IMPG1: variants seen among roughly 807,000 people sequenced by gnomAD.
IMPG1 encodes the protein interphotoreceptor matrix proteoglycan 1.
In IMPG1, 85 loss-of-function variants were observed where a neutral mutation model predicts 92.0. That is an observed-to-expected ratio of 0.92 (90% CI 0.78 to 1.11). The LOEUF (loss-of-function observed/expected upper bound fraction) is 1.11, where lower values mean the gene tolerates loss of function less well. IMPG1 is among the 50% of genes least tolerant of loss of function. The pLI is 0.00. For missense variants in IMPG1, 1,022 were observed against 956.0 expected, an observed-to-expected ratio of 1.07 and a Z score of -0.91; for synonymous variants, 367 against 334.1, an observed-to-expected ratio of 1.10 and a Z score of -1.08.
At chr6:76,069,301 G>A (rs1318084720) in intron 1 of IMPG1, among the ~76,000 whole-genome samples, 1 of 152,030 alleles carries the variant, frequency 6.6e-6, no homozygotes, top group African/African-American at 2.4e-5. Flanking sequence ...AACTCTTCTG[G>A]ACATTAGCCT....
intron 4 of IMPG1, among the ~76,000 whole-genome samples, chr6:76,027,280 C>A (rs529743931): frequency 1.3e-5 from 2 of 152,188 alleles, no homozygotes; most frequent in African/African-American, 4.8e-5. Context: ...TGAGAACTGT[C>A]TGTCTTGTTG....
chr6:76,037,762 CATAAA>C (rs1487991255), intron 2 of IMPG1, among the ~76,000 whole-genome samples: 1 of 152,208 alleles, frequency 6.6e-6, no homozygotes, highest in Non-Finnish European at 1.5e-5. Flanking sequence ...TACAACAATA[CATAAA>C]ATAAACTAGC....
At chr6:75,925,928 G>T (rs1159143896) in intron 15 of IMPG1, among the ~76,000 whole-genome samples, 1 of 152,158 alleles carries the variant, frequency 6.6e-6, no homozygotes, top group Non-Finnish European at 1.5e-5. Context: ...GCTTCCCAAA[G>T]TGCTGGGATT....
At chr6:75,929,902 A>G (rs1781635891) in intron 15 of IMPG1, among the ~76,000 whole-genome samples, 1 of 152,128 alleles carries the variant, frequency 6.6e-6, no homozygotes, top group African/African-American at 2.4e-5. Flanking sequence ...GTTGAAAAAG[A>G]CTATTCTTTC....
intron 12 of IMPG1, among the ~76,000 whole-genome samples, chr6:75,964,736 A>C (rs1189705477): frequency 6.6e-6 from 1 of 151,728 alleles, no homozygotes; most frequent in Admixed American, 6.6e-5. Context: ...GAGAATTTGC[A>C]TACTCATTAC....
intron 14 of IMPG1, among the ~76,000 whole-genome samples, chr6:75,937,083 T>C (rs57448537): frequency 9.2e-5 from 14 of 152,126 alleles, no homozygotes; most frequent in African/African-American, 3.4e-4. Flanking sequence ...GCCAGCAGCA[T>C]GACCCCAGGA....
At chr6:75,934,923 G>A in intron 14 of IMPG1, 1 of 470,720 alleles carries the variant, frequency 2.1e-6, no homozygotes, top group South Asian at 1.6e-5. Context: ...TTTTACTCAC[G>A]TGTTGGACAG....
At chr6:76,035,109 A>G (rs1210855326) in intron 2 of IMPG1, among the ~76,000 whole-genome samples, 1 of 152,122 alleles carries the variant, frequency 6.6e-6, no homozygotes, top group African/African-American at 2.4e-5. Context: ...TGGGAAAAGT[A>G]AAGTCTCCCA....
At chr6:76,050,750 C>A (rs765406583) in intron 1 of IMPG1, among the ~76,000 whole-genome samples, 24 of 152,276 alleles carry the variant, frequency 1.6e-4, no homozygotes, top group Non-Finnish European at 1.5e-5. Flanking sequence ...GGATACTTAC[C>A]AACCTGTTTG....
At chr6:75,965,418 C>T (rs1006507443) in intron 12 of IMPG1, among the ~76,000 whole-genome samples, 4 of 149,824 alleles carry the variant, frequency 2.7e-5, no homozygotes, top group African/African-American at 7.4e-5. Context: ...GATATCTCAT[C>T]GCGGTTTTAA....
chr6:75,924,461 T>C (rs1781487474), intron 15 of IMPG1, among the ~76,000 whole-genome samples: 1 of 108,258 alleles, frequency 9.2e-6, no homozygotes, highest in African/African-American at 3.6e-5. Context: ...CATAATTATA[T>C]AATATAAATA....
rs192539994 is a variant in IMPG1 at position 75,979,481 on chromosome 6, T to C, written c.1291+23437A>G. 4.6e-5 allele frequency among the ~76,000 whole-genome samples: 7 copies of C among 152,280 alleles called. No homozygotes were observed. The East Asian group carries it at 1.4e-3, about 29-fold the overall frequency. ...GGGGCATGTGGATTTCCTAACACATTATATGAAAGAAAGGACAGTCTTCTA... is the reference window on the plus strand; with the variant it reads ...GGGGCATGTGGATTTCCTAACACATCATATGAAAGAAAGGACAGTCTTCTA... On this transcript the variant is annotated intron_variant, in intron 12 of 16. Transcript: ENST00000369950.
chr6:75,979,328 C>CA (rs760074766), intron 12 of IMPG1, among the ~76,000 whole-genome samples: 3 of 152,174 alleles, frequency 2.0e-5, no homozygotes, highest in Non-Finnish European at 4.4e-5. Context: ...CAAGGTGCTA[C>CA]AGCCAATATA....
intron 12 of IMPG1, among the ~76,000 whole-genome samples, chr6:75,957,395 G>C (rs977457151): frequency 6.6e-6 from 1 of 152,176 alleles, no homozygotes; most frequent in Non-Finnish European, 1.5e-5. Context: ...GTTGACTTGG[G>C]GTGGAGAGTT....
chr6:75,945,794 G>A (rs892764341), intron 14 of IMPG1, among the ~76,000 whole-genome samples: 4 of 152,192 alleles, frequency 2.6e-5, no homozygotes, highest in Non-Finnish European at 1.5e-5. Context: ...AGCCCTGGCA[G>A]TGCACTCACA....
At chr6:75,942,036 A>G (rs1290762324) in intron 14 of IMPG1, among the ~76,000 whole-genome samples, 2 of 152,180 alleles carry the variant, frequency 1.3e-5, no homozygotes, top group African/African-American at 4.8e-5. Context: ...CCTCTAAACT[A>G]TGTCTACTAC....
chr6:75,986,683 A>G (rs1220157456), intron 12 of IMPG1, among the ~76,000 whole-genome samples: 2 of 152,204 alleles, frequency 1.3e-5, no homozygotes, highest in Non-Finnish European at 2.9e-5. Flanking sequence ...AACTGCATAA[A>G]GTGTCAAATT....
chr6:75,931,089 C>T lies in IMPG1; in HGVS notation c.2107G>A (p.Glu703Lys), dbSNP rs781277194. The T allele has an allele frequency of 8.1e-6, 13 of 1,614,050 alleles. No individual in the cohort carries two copies. Among genetic ancestry groups the T allele is most frequent in the Admixed American group, 3.3e-5 (2 of 60,008 alleles). The change falls in exon 15 of 17, where the codon GAA (glutamate) becomes AAA (lysine). Residue 703 changes from glutamate (E) to lysine (K), a missense_variant. Coordinates refer to ENST00000369950, the MANE Select transcript of IMPG1 (RefSeq NM_001563.4). ...CGACACTCCGCTTCCTCAGTCCGTT[C>T]GTTCTTTACACATTGGGCAAATTCG... is the stretch of plus-strand genomic sequence containing the variant. ...CGEFAQCVKN[E>K]RTEEAECRCK...
At chr6:75,995,874 C>T (rs1782891158) in intron 12 of IMPG1, among the ~76,000 whole-genome samples, 1 of 152,186 alleles carries the variant, frequency 6.6e-6, no homozygotes, top group Non-Finnish European at 1.5e-5. Flanking sequence ...TAATTGAATC[C>T]TTGTTTCGGG....
Sources: gnomAD v4.1 joint callset for allele counts (sites outside exome capture counted in the v4.1 genomes callset) on GRCh38, gnomAD v4.1.1 for gene constraint, MANE v1.5 for transcripts, NCBI Gene and HGNC (gene_info 2026-07-23, HGNC 2026-07-21) for gene names.